KCNK12: variants seen among roughly 807,000 people sequenced by gnomAD.
The protein encoded by KCNK12 is potassium channel subfamily K member 12.
KCNK12 carries 6 observed loss-of-function variants against 25.3 expected under a neutral mutation model. That is an observed-to-expected ratio of 0.24 (90% CI 0.13 to 0.47). The LOEUF is 0.47. Among genes scored for constraint, KCNK12 ranks in the 20% least tolerant of loss-of-function variants. KCNK12 has a pLI of 0.99. For missense variants in KCNK12, 444 were observed against 661.7 expected, an observed-to-expected ratio of 0.67 and a Z score of 3.61; for synonymous variants, 331 against 311.1, an observed-to-expected ratio of 1.06 and a Z score of -0.67.
Position 47,538,395 on chromosome 2 carries a change from A to T in KCNK12, c.392-16587T>A, listed in dbSNP as rs565910773. Among the ~76,000 whole-genome samples, 6 of 152,278 alleles carry T rather than the reference A, an allele frequency of 3.9e-5. No homozygotes were observed. In the South Asian group the frequency reaches 1.2e-3, roughly 32 times the overall value. On this transcript the variant is annotated intron_variant, in intron 1 of 1. Transcript: ENST00000327876. The surrounding 1 kb of genome is among the most constrained non-coding windows in gnomAD (Gnocchi z 4.5). ...TCGTTAAGGAACGGATGTTTGATAA[A>T]GGACTAGGGTAAGAGTGTTTCAGGC...
intron 1 of KCNK12, among the ~76,000 whole-genome samples, chr2:47,541,240 A>G (rs969543748): frequency 6.6e-6 from 1 of 152,110 alleles, no homozygotes; most frequent in African/African-American, 2.4e-5. Flanking sequence ...GCCTGTTGGG[A>G]GCCTGCTATG....
Position 47,521,142 on chromosome 2 carries a change from G to T in KCNK12, c.1058C>A (p.Ala353Glu), listed in dbSNP as rs867477495. 2.3e-5 allele frequency: 29 copies of T among 1,268,758 alleles called. No homozygotes were observed. In the Middle Eastern group the frequency reaches 1.5e-3, roughly 67 times the overall value. The allele number at this position is 1,268,758 out of a possible 1,614,324, so 78.6% of individuals were successfully genotyped here. A position where few individuals can be genotyped will look rare whatever the true frequency, so the allele number is the denominator to read the frequency against. ...RRLAALGADP[A>E]ARDSDAEGRR... ...GCCCTCGGCGTCGCTGTCGCGGGCC[G>T]CGGGGTCGGCACCGAGCGCGGCCAG... The change falls in exon 2 of 2, where the codon GCG becomes GAG. Residue 353 changes from alanine (A) to glutamate (E), a missense_variant. By Grantham distance (107) the Ala-to-Glu change is moderately radical (BLOSUM62 -1). Around this residue, in one of 8 missense-constraint regions of KCNK12, gnomAD observed 69 missense variants for 81.7 expected, o/e 0.84. Coordinates refer to ENST00000327876, the MANE Select transcript of KCNK12 (RefSeq NM_022055.2).
rs1208384442 is a variant in KCNK12, at chr2:47,517,371, T to A, written c.*3536A>T. The A allele has an allele frequency of 6.6e-6, 1 of 152,070 alleles. No homozygotes were observed. Among genetic ancestry groups the A allele is most frequent in the African/African-American group, 2.4e-5 (1 of 41,382 alleles). The allele number at this position is 152,070 out of a possible 1,614,324, so 9.4% of individuals were successfully genotyped here. On this transcript the variant is annotated 3_prime_UTR_variant, in exon 2 of 2. Transcript: ENST00000327876. The surrounding 1 kb of genome is among the most constrained non-coding windows in gnomAD (Gnocchi z 4.1). ...TCAATTTAGCAGCTATTTTCCAGGG[T>A]TTGGCTTGGGTTTGGATGCTGGCTT...
chr2:47,558,772 T>G (rs528548110), intron 1 of KCNK12, among the ~76,000 whole-genome samples: 8 of 152,324 alleles, frequency 5.3e-5, no homozygotes, highest in Middle Eastern at 3.4e-3. Flanking sequence ...GACAACTGAT[T>G]CCAATAAAAG....
chr2:47,537,416 C>T (rs1341663775), intron 1 of KCNK12, among the ~76,000 whole-genome samples: 1 of 151,952 alleles, frequency 6.6e-6, no homozygotes, highest in Non-Finnish European at 1.5e-5. Flanking sequence ...CTGCAACCTC[C>T]GCCTCCCGGG....
rs541675689 is a variant in KCNK12 at position 47,520,431 on chromosome 2, C to T, written c.*476G>A. ...GAGGCAACATATGGCTGTCCCAACC[C>T]CCACCTGTCAAAACTGTGACTATAT... On this transcript the variant is annotated 3_prime_UTR_variant, in exon 2 of 2. Transcript: ENST00000327876. The surrounding 1 kb of genome is among the most constrained non-coding windows in gnomAD (Gnocchi z 5.0). 2 of 153,346 alleles carry T rather than the reference C, an allele frequency of 1.3e-5. No individual in the cohort carries two copies. The highest frequency in any genetic ancestry group is 2.9e-5 in the Non-Finnish European group (2 of 68,846). 9.5% of individuals were successfully genotyped at this position (153,346 alleles called of 1,614,324 possible). A position where few individuals can be genotyped will look rare whatever the true frequency, so the allele number is the denominator to read the frequency against.
intron 1 of KCNK12, among the ~76,000 whole-genome samples, chr2:47,549,120 T>G (rs1288891962): frequency 6.6e-6 from 1 of 151,896 alleles, no homozygotes; most frequent in Non-Finnish European, 1.5e-5. Context: ...CCAAACAATT[T>G]CCAGAGCCCT....
Position 47,511,620 on chromosome 2 carries a change from C to G in KCNK12, c.*9287G>C, listed in dbSNP as rs747235078. On this transcript the variant is annotated 3_prime_UTR_variant, in exon 2 of 2. Transcript: ENST00000327876. The surrounding 1 kb of genome is among the most constrained non-coding windows in gnomAD (Gnocchi z 4.3). ...GGGAGAGGGATGGGTGCACGGTGAA[C>G]AGCAGGTGGGGGTCTTTCCATAGGG... Among the ~76,000 whole-genome samples, 24 of 152,128 alleles carry G rather than the reference C, an allele frequency of 1.6e-4. No individual in the cohort carries two copies. The highest frequency in any genetic ancestry group is 2.4e-4 in the Non-Finnish European group (16 of 68,030).
rs1669528262 is a variant in KCNK12, at chr2:47,555,253, T to A, written c.391+14688A>T. Among the ~76,000 whole-genome samples, 1 of 152,196 alleles carries A rather than the reference T, an allele frequency of 6.6e-6. No homozygotes were observed. The highest frequency in any genetic ancestry group is 1.5e-5 in the Non-Finnish European group (1 of 68,046). On this transcript the variant is annotated intron_variant, in intron 1 of 1. Coordinates refer to ENST00000327876, the MANE Select transcript of KCNK12 (RefSeq NM_022055.2). This position sits in a 1 kb window ranked among gnomAD's most constrained non-coding sequence, Gnocchi z 4.5. Reference sequence around the variant, plus strand: ...TCAGAGTATGCCATCCCCAAATATGTCACTTTAGCACAAGGATTGTTTTGA... The same window carrying A: ...TCAGAGTATGCCATCCCCAAATATGACACTTTAGCACAAGGATTGTTTTGA...
rs538442204 is a variant in KCNK12 at position 47,517,598 on chromosome 2, A to T, written c.*3309T>A. On this transcript the variant is annotated 3_prime_UTR_variant, in exon 2 of 2. Coordinates refer to ENST00000327876, the MANE Select transcript of KCNK12 (RefSeq NM_022055.2). This position sits in a 1 kb window ranked among gnomAD's most constrained non-coding sequence, Gnocchi z 4.1. ...TGTGTATGTGTGTGTGTATATATAT[A>T]TACATATATGCATGATGCTGTGCAA... 1.2e-4 allele frequency: 19 copies of T among 152,064 alleles called. No homozygotes were observed. Among genetic ancestry groups the T allele is most frequent in the African/African-American group, 4.6e-4 (19 of 41,454 alleles). 9.4% of individuals were successfully genotyped at this position (152,064 alleles called of 1,614,324 possible).
chr2:47,512,368 T>C lies in KCNK12; in HGVS notation c.*8539A>G, dbSNP rs1320636480. On this transcript the variant is annotated 3_prime_UTR_variant, in exon 2 of 2. Coordinates refer to ENST00000327876, the MANE Select transcript of KCNK12 (RefSeq NM_022055.2). ...TGCTGACATGGAAAAGGAAACTTCGTGGGGGAAAGAGATCTGCTTGCAGTC... is the reference window on the plus strand; with the variant it reads ...TGCTGACATGGAAAAGGAAACTTCGCGGGGGAAAGAGATCTGCTTGCAGTC... 1 of 1,612,220 alleles carries C rather than the reference T, an allele frequency of 6.2e-7. No individual in the cohort carries two copies. Among genetic ancestry groups the C allele is most frequent in the Admixed American group, 1.7e-5 (1 of 59,954 alleles).
At chr2:47,541,337 C>T (rs1194014976) in intron 1 of KCNK12, among the ~76,000 whole-genome samples, 2 of 152,170 alleles carry the variant, frequency 1.3e-5, no homozygotes, top group East Asian at 3.9e-4. Context: ...CATTCAAATG[C>T]TTTGTGGAAG....
At chr2:47,554,480 G>C (rs1421155753) in intron 1 of KCNK12, among the ~76,000 whole-genome samples, 1 of 152,204 alleles carries the variant, frequency 6.6e-6, no homozygotes, top group African/African-American at 2.4e-5. Context: ...GTGACTCACA[G>C]AGCAGTGCGC....
chr2:47,553,245 G>A (rs187000949), intron 1 of KCNK12, among the ~76,000 whole-genome samples: 29 of 152,244 alleles, frequency 1.9e-4, no homozygotes, highest in Admixed American at 7.9e-4. Flanking sequence ...AAATTATAAC[G>A]CATAGATTAT....
In KCNK12 at chr2:47,556,388, A is replaced by G. The variant is rs1049181812; in HGVS notation, c.391+13553T>C. ...ACTTCTGATTACTTTTATTACCTCA[A>G]TGGAGTGTGAAAGAAAGGTAGTTAG... is the stretch of plus-strand genomic sequence containing the variant. On this transcript the variant is annotated intron_variant, in intron 1 of 1. Transcript: ENST00000327876. The surrounding 1 kb of genome is among the most constrained non-coding windows in gnomAD (Gnocchi z 4.8). Among the ~76,000 whole-genome samples, 4 of 152,150 alleles carry G rather than the reference A, an allele frequency of 2.6e-5. No homozygotes were observed. The highest frequency in any genetic ancestry group is 4.1e-4 in the South Asian group (2 of 4,824).
At chr2:47,544,072 T>A (rs1669259625) in intron 1 of KCNK12, among the ~76,000 whole-genome samples, 1 of 152,196 alleles carries the variant, frequency 6.6e-6, no homozygotes, top group Non-Finnish European at 1.5e-5. Flanking sequence ...CAACCACCCA[T>A]GTCTCCTCTC....
At position 47,533,050 on chromosome 2, in the gene KCNK12, G is replaced by T. The variant is rs369693776; in HGVS notation, c.392-11242C>A. 1.3e-5 allele frequency among the ~76,000 whole-genome samples: 2 copies of T among 151,724 alleles called. No homozygotes were observed. The highest frequency in any genetic ancestry group is 2.9e-5 in the Non-Finnish European group (2 of 67,888). ...TTTTTTGAGACAGGCTCACTCTGTC[G>T]CCCAGGCTGGAGTGCAGTGGTGTGA... On this transcript the variant is annotated intron_variant, in intron 1 of 1. Coordinates refer to ENST00000327876, the MANE Select transcript of KCNK12 (RefSeq NM_022055.2). The surrounding 1 kb of genome is among the most constrained non-coding windows in gnomAD (Gnocchi z 4.7).
In KCNK12 at chr2:47,510,204, A is replaced by G. The variant is rs1668366633; in HGVS notation, c.*10703T>C. 6.6e-6 allele frequency: 1 copy of G among 152,182 alleles called. No homozygotes were observed. Among genetic ancestry groups the G allele is most frequent in the Non-Finnish European group, 1.5e-5 (1 of 68,038 alleles). The allele number at this position is 152,182 out of a possible 1,614,324, so 9.4% of individuals were successfully genotyped here. A position where few individuals can be genotyped will look rare whatever the true frequency, so the allele number is the denominator to read the frequency against. ...CTTGGAGGGGTAGCTACCATCTGGC[A>G]CCTGGGGTGGCAAGCCAACATGGAA... is the stretch of plus-strand genomic sequence containing the variant. On this transcript the variant is annotated 3_prime_UTR_variant, in exon 2 of 2. Transcript: ENST00000327876.
chr2:47,564,158 A>G (rs774773589), intron 1 of KCNK12: 9 of 231,956 alleles, frequency 3.9e-5, no homozygotes, highest in Non-Finnish European at 6.8e-5. Context: ...AGTCCTGGAG[A>G]AAACCAAGTG....
Sources: allele counts gnomAD v4.1 joint callset (sites outside exome capture counted in the v4.1 genomes callset), GRCh38; gene constraint gnomAD v4.1.1; regional missense constraint gnomAD v4.1.1; non-coding constraint Gnocchi (gnomAD v3.1); transcripts MANE v1.5; gene names NCBI Gene and HGNC (gene_info 2026-07-23, HGNC 2026-07-21).